The following ARB2A variants were observed in gnomAD, a reference collection of about 807,000 sequenced individuals.
ARB2A encodes the protein ARB2 cotranscriptional regulator A.
chr5:93,763,458 A>G, the ARB2A span, among the ~76,000 whole-genome samples: 9 of 152,368 alleles, frequency 5.9e-5, no homozygotes, highest in South Asian at 2.1e-4. Flanking sequence ...GAAGGCCATT[A>G]CATAATTGTA....
the ARB2A span, among the ~76,000 whole-genome samples, chr5:94,076,934 T>C: frequency 1.3e-5 from 2 of 152,136 alleles, no homozygotes; most frequent in African/African-American, 4.8e-5. Flanking sequence ...TATAAATATG[T>C]ATTCAGTGCT....
the ARB2A span, among the ~76,000 whole-genome samples, chr5:93,759,555 C>T: frequency 6.6e-6 from 1 of 152,084 alleles, no homozygotes; most frequent in South Asian, 2.1e-4. Context: ...ACCATGATCA[C>T]GTGGGTTTCA....
At chr5:94,061,165 G>A in the ARB2A span, among the ~76,000 whole-genome samples, 3 of 152,182 alleles carry the variant, frequency 2.0e-5, no homozygotes, top group East Asian at 1.9e-4. Context: ...GTGAACCCGG[G>A]AGGCAGAGCT....
chr5:93,800,936 T>G, the ARB2A span, among the ~76,000 whole-genome samples: 2 of 152,122 alleles, frequency 1.3e-5, no homozygotes, highest in Non-Finnish European at 2.9e-5. Context: ...TAAAAGACTT[T>G]AAGTTACTTT....
At chr5:93,675,246 G>A in the ARB2A span, among the ~76,000 whole-genome samples, 1 of 152,062 alleles carries the variant, frequency 6.6e-6, no homozygotes, top group African/African-American at 2.4e-5. Context: ...AGTTGTTCAC[G>A]ATCCTACAGC....
chr5:93,985,490 A>G, the ARB2A span, among the ~76,000 whole-genome samples: 1 of 150,572 alleles, frequency 6.6e-6, no homozygotes, highest in Admixed American at 6.6e-5. Context: ...GCTGGACTGT[A>G]TTGCCGCGAT....
the ARB2A span, among the ~76,000 whole-genome samples, chr5:93,676,534 C>G: frequency 9.9e-5 from 15 of 152,092 alleles, no homozygotes; most frequent in Admixed American, 9.2e-4. Context: ...ATATCTTAAC[C>G]TATAATCATG....
At chr5:94,014,368 C>T in the ARB2A span, among the ~76,000 whole-genome samples, 5 of 152,148 alleles carry the variant, frequency 3.3e-5, no homozygotes, top group Admixed American at 3.3e-4. Flanking sequence ...GCCAAAAACA[C>T]GGCAGCAGCC....
At chr5:93,628,449 T>A in the ARB2A span, among the ~76,000 whole-genome samples, 1 of 152,084 alleles carries the variant, frequency 6.6e-6, no homozygotes, top group South Asian at 2.1e-4. Context: ...AACAAGAGAG[T>A]TACCCTGTCC....
the ARB2A span, among the ~76,000 whole-genome samples, chr5:93,637,652 T>C: frequency 1.2e-4 from 19 of 152,226 alleles, no homozygotes; most frequent in Admixed American, 1.2e-3. Context: ...AGTCTTGAAG[T>C]TAGGTAGACT....
the ARB2A span, among the ~76,000 whole-genome samples, chr5:94,085,068 T>C: frequency 6.6e-6 from 1 of 152,204 alleles, no homozygotes; most frequent in Non-Finnish European, 1.5e-5. Context: ...TTCATGTTTC[T>C]GGTCAAAAGA....
the ARB2A span, among the ~76,000 whole-genome samples, chr5:93,636,597 C>T: frequency 6.6e-6 from 1 of 152,212 alleles, no homozygotes; most frequent in Non-Finnish European, 1.5e-5. Context: ...ACTTCCCAGA[C>T]TTCAGAACTG....
At chr5:93,832,873 A>G in the ARB2A span, among the ~76,000 whole-genome samples, 3 of 152,338 alleles carry the variant, frequency 2.0e-5, no homozygotes, top group South Asian at 6.2e-4. Context: ...ACACACCACT[A>G]TATCAGGCTT....
chr5:94,055,961 T>A, the ARB2A span: 27 of 903,648 alleles, frequency 3.0e-5, 1 homozygote, highest in East Asian at 9.5e-4. Context: ...CACTTTCATA[T>A]ACATTACTTC....
At chr5:93,980,064 A>G in the ARB2A span, among the ~76,000 whole-genome samples, 1 of 152,150 alleles carries the variant, frequency 6.6e-6, no homozygotes, top group African/African-American at 2.4e-5. Context: ...TTATATAGCT[A>G]AAGTTCCTTT....
chr5:93,951,451 C>G, the ARB2A span, among the ~76,000 whole-genome samples: 1 of 152,174 alleles, frequency 6.6e-6, no homozygotes, highest in Non-Finnish European at 1.5e-5. Flanking sequence ...GTAGTAGTTT[C>G]ATAGTTTGAG....
the ARB2A span, among the ~76,000 whole-genome samples, chr5:93,827,471 A>G: frequency 2.0e-5 from 3 of 151,976 alleles, no homozygotes; most frequent in South Asian, 6.2e-4. Flanking sequence ...AATTTGTTGG[A>G]GTTCATTGTA....
chr5:93,683,033 T>G, the ARB2A span: 6 of 1,573,542 alleles, frequency 3.8e-6, no homozygotes, highest in East Asian at 1.1e-4. Flanking sequence ...TTTTTCCTGT[T>G]TTTTGAAGGA....
At chr5:93,920,957 A>G in the ARB2A span, among the ~76,000 whole-genome samples, 1 of 152,120 alleles carries the variant, frequency 6.6e-6, no homozygotes, top group Non-Finnish European at 1.5e-5. Flanking sequence ...CATTGTGTTT[A>G]GTGTAATACC....
Sources: gnomAD v4.1 joint callset for allele counts (sites outside exome capture counted in the v4.1 genomes callset) on GRCh38, gnomAD v4.1.1 for gene constraint, MANE v1.5 for transcripts, NCBI Gene and HGNC (gene_info 2026-07-23, HGNC 2026-07-21) for gene names.